The following RNF43 variants were observed in gnomAD, a reference collection of about 807,000 sequenced individuals.
The protein encoded by RNF43 is ring finger protein 43, also known as E3 ubiquitin-protein ligase RNF43.
A neutral mutation model predicts 78.4 loss-of-function variants in RNF43; 37 were observed. The ratio of observed to expected loss-of-function variants is 0.47; its 90% CI spans 0.36 to 0.62. The LOEUF is 0.62. Ranked by LOEUF, RNF43 falls within the 20% of genes least tolerant of loss-of-function variation. The probability of loss-of-function intolerance (pLI) is 0.00; values close to 1 mark genes in which losing one functional copy is unlikely to be tolerated. For missense variants in RNF43, 774 were observed against 1,007.9 expected (o/e 0.77, Z 3.14); for synonymous variants, 347 against 395.0 (o/e 0.88, Z 1.44).
chr17:58,390,069 C>T (rs1291118001), intron 2 of RNF43, among the ~76,000 whole-genome samples: 1 of 152,178 alleles, frequency 6.6e-6, no homozygotes, highest in Non-Finnish European at 1.5e-5. Flanking sequence ...ATGTCCTCAT[C>T]CTCAAGCTCT....
intron 2 of RNF43, among the ~76,000 whole-genome samples, chr17:58,397,199 A>C (rs1473942322): frequency 1.3e-5 from 2 of 152,240 alleles, no homozygotes; most frequent in Non-Finnish European, 2.9e-5. Context: ...GAAACAATTC[A>C]TCAACTAGGA....
intron 2 of RNF43, among the ~76,000 whole-genome samples, chr17:58,378,264 C>T (rs1298954569): frequency 1.3e-5 from 2 of 152,146 alleles, no homozygotes; most frequent in East Asian, 3.9e-4. Context: ...TTATTTTACT[C>T]TATTTATTTT....
chr17:58,359,664 C>T (rs962384304), intron 8 of RNF43, among the ~76,000 whole-genome samples: 5 of 150,148 alleles, frequency 3.3e-5, no homozygotes, highest in East Asian at 2.0e-4. Flanking sequence ...CGGTGGCTCA[C>T]GCCTGTAATC....
chr17:58,371,084 A>T (rs1197412992), intron 2 of RNF43, 51 bp from the exon 3 acceptor site: 2 of 1,504,176 alleles, frequency 1.3e-6, no homozygotes, highest in Non-Finnish European at 1.8e-6. Flanking sequence ...AGCAGGAGTG[A>T]GCTGTGAGAG....
chr17:58,377,772 G>C (rs1226040694), intron 2 of RNF43, among the ~76,000 whole-genome samples: 5 of 150,964 alleles, frequency 3.3e-5, no homozygotes. Context: ...CCTTGGACAG[G>C]TAACTTTACT....
chr17:58,394,080 T>C (rs935528219), intron 2 of RNF43, among the ~76,000 whole-genome samples: 12 of 152,078 alleles, frequency 7.9e-5, no homozygotes, highest in African/African-American at 2.7e-4. Context: ...TTGGATGTGG[T>C]TGGGTTGTTT....
intron 2 of RNF43, among the ~76,000 whole-genome samples, chr17:58,395,453 C>G (rs1973659414): frequency 6.6e-6 from 1 of 152,136 alleles, no homozygotes; most frequent in African/African-American, 2.4e-5. Context: ...TTATGAGGGA[C>G]AGTTTATTAT....
intron 3 of RNF43, among the ~76,000 whole-genome samples, chr17:58,368,706 C>T (rs970779497): frequency 3.5e-5 from 5 of 144,548 alleles, no homozygotes; most frequent in South Asian, 2.2e-4. Context: ...GAGCAAGACT[C>T]TGTCTCAAAA....
intron 2 of RNF43, among the ~76,000 whole-genome samples, chr17:58,402,999 T>G (rs1334601471): frequency 3.3e-5 from 5 of 151,964 alleles, no homozygotes; most frequent in African/African-American, 9.7e-5. Context: ...GGAGTTTTTT[T>G]GGGGTGGGGG....
At chr17:58,407,686 T>C (rs1227054507) in intron 2 of RNF43, among the ~76,000 whole-genome samples, 2 of 152,118 alleles carry the variant, frequency 1.3e-5, no homozygotes, top group African/African-American at 4.8e-5. Flanking sequence ...AGTTTTCCAT[T>C]AGAGCAAATA....
intron 3 of RNF43, among the ~76,000 whole-genome samples, chr17:58,369,673 G>A (rs1277687021): frequency 1.3e-5 from 2 of 152,190 alleles, no homozygotes; most frequent in Non-Finnish European, 2.9e-5. Context: ...TGGATTCAAA[G>A]TTCAGCTCCA....
At chr17:58,405,106 C>A (rs1392252276) in intron 2 of RNF43, among the ~76,000 whole-genome samples, 1 of 105,976 alleles carries the variant, frequency 9.4e-6, no homozygotes, top group Non-Finnish European at 1.7e-5. Context: ...GAGACAGAGT[C>A]TTGCTCTGTC....
At chr17:58,412,340 TGG>T (rs1974038293) in intron 2 of RNF43, among the ~76,000 whole-genome samples, 1 of 152,082 alleles carries the variant, frequency 6.6e-6, no homozygotes, top group South Asian at 2.1e-4. Flanking sequence ...TGTTCTGAAA[TGG>T]AAAAGAGAGG....
Position 58,360,674 on chromosome 17 carries a change from A to G in RNF43, c.849+109T>C. The G allele has an allele frequency of 8.2e-7, 1 of 1,214,884 alleles. No individual in the cohort carries two copies. Among genetic ancestry groups the G allele is most frequent in the Non-Finnish European group, 1.1e-6 (1 of 879,496 alleles). The allele number at this position is 1,214,884 out of a possible 1,614,324, so 75.3% of individuals were successfully genotyped here. ...CTCTGCCTCATGCAGGACACATGGG[A>G]AACAGATGTAGCCAGGGTACCCATA... On this transcript the variant is annotated intron_variant, in intron 7 of 9. Coordinates refer to ENST00000407977, the MANE Select transcript of RNF43 (RefSeq NM_017763.6). The surrounding 1 kb of genome is among the most constrained non-coding windows in gnomAD (Gnocchi z 4.3).
chr17:58,357,127 C>T lies in RNF43; in HGVS notation c.2308+341G>A, dbSNP rs2079867340. 1.5e-6 allele frequency: 1 copy of T among 680,678 alleles called. No individual in the cohort carries two copies. The highest frequency in any genetic ancestry group is 1.8e-5 in the African/African-American group (1 of 56,728). The allele number at this position is 680,678 out of a possible 1,614,324, so 42.2% of individuals were successfully genotyped here. A position where few individuals can be genotyped will look rare whatever the true frequency, so the allele number is the denominator to read the frequency against. On this transcript the variant is annotated intron_variant, in intron 9 of 9. Transcript: ENST00000407977. This position sits in a 1 kb window ranked among gnomAD's most constrained non-coding sequence, Gnocchi z 4.5. ...CAGGTTGGTCTTGAACTCCTGGCCT[C>T]AAGGGATCCACCCACCTAGGCCTCC...
intron 2 of RNF43, among the ~76,000 whole-genome samples, chr17:58,386,441 C>A (rs1256474944): frequency 1.3e-5 from 2 of 152,022 alleles, no homozygotes; most frequent in Middle Eastern, 3.2e-3. Context: ...CAAAACAAAA[C>A]AAACAACAAC....
chr17:58,409,161 C>T (rs1323276127), intron 2 of RNF43, among the ~76,000 whole-genome samples: 2 of 152,174 alleles, frequency 1.3e-5, no homozygotes, highest in African/African-American at 4.8e-5. Flanking sequence ...CTGGCTCAGT[C>T]TCTGTGCAAC....
In RNF43 at chr17:58,393,033, C is replaced by T. The variant is rs534623846; in HGVS notation, c.253-22000G>A. On this transcript the variant is annotated intron_variant, in intron 2 of 9. Transcript: ENST00000407977. Reference sequence around the variant, plus strand: ...TGAAACGGTAAGAACAACCCCTCATCTTCCTCCTTAACCTAGTAAGGTGAA... The same window carrying T: ...TGAAACGGTAAGAACAACCCCTCATTTTCCTCCTTAACCTAGTAAGGTGAA... Among the ~76,000 whole-genome samples, 13 of 152,358 alleles carry T rather than the reference C, an allele frequency of 8.5e-5. No homozygotes were observed. In the East Asian group the frequency reaches 2.5e-3, roughly 29 times the overall value.
intron 2 of RNF43, among the ~76,000 whole-genome samples, chr17:58,396,867 T>A (rs1973692625): frequency 6.6e-6 from 1 of 152,178 alleles, no homozygotes. Flanking sequence ...GTTGCTTTTG[T>A]ATAAAATCAA....
Sources: allele counts gnomAD v4.1 joint callset (sites outside exome capture counted in the v4.1 genomes callset), GRCh38; gene constraint gnomAD v4.1.1; non-coding constraint Gnocchi (gnomAD v3.1); transcripts MANE v1.5; gene names NCBI Gene and HGNC (gene_info 2026-07-23, HGNC 2026-07-21).